MRPL44: variants seen among roughly 807,000 people sequenced by gnomAD.
MRPL44 encodes the protein large ribosomal subunit protein mL44.
A neutral mutation model predicts 25.9 loss-of-function variants in MRPL44; 21 were observed. That is an observed-to-expected ratio of 0.81 (90% confidence interval 0.58 to 1.17). The LOEUF is 1.17. Ranked by LOEUF, MRPL44 falls within the 50% of genes most tolerant of loss-of-function variation. The probability of loss-of-function intolerance (pLI) is 0.00; values close to 1 mark genes in which losing one functional copy is unlikely to be tolerated. For missense variants in MRPL44, 410 were observed against 398.9 expected (o/e 1.03, Z -0.24); for synonymous variants, 169 against 151.0 (o/e 1.12, Z -0.87).
intron 2 of MRPL44, among the ~76,000 whole-genome samples, chr2:223,961,404 T>A (rs1319686885): frequency 1.3e-5 from 2 of 152,242 alleles, no homozygotes; most frequent in Non-Finnish European, 2.9e-5. Context: ...TAAGAGCCAG[T>A]GTACAGAAGA....
chr2:223,959,912 G>C lies in MRPL44; in HGVS notation c.558G>C (p.Val186=), dbSNP rs1429939475. The part of the protein sequence containing the change: ...EQLTLSEEFP[V]PPAVLQQTFF... The stretch of plus-strand genomic sequence containing the variant: ...TAACACTGAGTGAAGAATTCCCAGT[G>C]CCCCCAGCTGTGTTACAGCAGACTT... Residue 186 remains valine (V), a synonymous_variant, in exon 2 of 4, where the codon GTG becomes GTC. Transcript: ENST00000258383. 6.2e-7 allele frequency: 1 copy of C among 1,614,022 alleles called. No homozygotes were observed. Among genetic ancestry groups the C allele is most frequent in the African/African-American group, 1.3e-5 (1 of 74,914 alleles).
intron 2 of MRPL44, among the ~76,000 whole-genome samples, chr2:223,962,499 C>G (rs1689678867): frequency 6.6e-6 from 1 of 152,100 alleles, no homozygotes; most frequent in Non-Finnish European, 1.5e-5. Flanking sequence ...TTTGTTAATA[C>G]AAGTTAATTG....
chr2:223,961,995 C>A (rs1019923509), intron 2 of MRPL44, among the ~76,000 whole-genome samples: 2 of 152,096 alleles, frequency 1.3e-5, no homozygotes, highest in Non-Finnish European at 2.9e-5. Flanking sequence ...GGCATATCTA[C>A]CTCTGTACAT....
Position 223,957,622 on chromosome 2 carries a change from T to G in MRPL44, c.150T>G (p.Leu50=). The change falls in exon 1 of 4, where the codon CTT becomes CTG. Residue 50 remains leucine, a synonymous_variant. Transcript: ENST00000258383. ...RFQKELERQR[L]LRCPPPPVRR... is the part of the protein sequence containing the mutation. ...AGAAGGAGTTAGAGCGGCAGCGCCT[T>G]CTGCGGTGCCCGCCGCCGCCCGTGC... The G allele has an allele frequency of 6.2e-7, 1 of 1,610,712 alleles. No homozygotes were observed. Among genetic ancestry groups the G allele is most frequent in the Non-Finnish European group, 8.5e-7 (1 of 1,179,768 alleles).
Position 223,957,533 on chromosome 2 carries a change from G to GC in MRPL44, c.66dup (p.Lys23GlnfsTer72), listed in dbSNP as rs1324231094. 4 of 1,613,920 alleles carry GC rather than the reference G, an allele frequency of 2.5e-6. No homozygotes were observed. Among genetic ancestry groups the GC allele is most frequent in the South Asian group, 1.1e-5 (1 of 91,090 alleles). On this transcript the variant is annotated frameshift_variant, in exon 1 of 4. Transcript: ENST00000258383. LOFTEE classifies it high-confidence loss of function. ...ACATCGCTGCCTCCTGGCTCCAGTC[G>GC]CCCCCAAGCTGGTCCCTCCGGTTCG...
At chr2:223,961,268 C>G (rs1689656323) in intron 2 of MRPL44, among the ~76,000 whole-genome samples, 1 of 152,202 alleles carries the variant, frequency 6.6e-6, no homozygotes, top group Admixed American at 6.5e-5. Flanking sequence ...GTGATTTGTG[C>G]CCCTTAAAAG....
At chr2:223,961,484 C>G (rs1357135855) in intron 2 of MRPL44, among the ~76,000 whole-genome samples, 5 of 152,188 alleles carry the variant, frequency 3.3e-5, no homozygotes, top group South Asian at 4.1e-4. Context: ...GATAGAAATG[C>G]AAATTCTCAG....
At chr2:223,957,309 C>A, upstream of MRPL44, 1 of 793,592 alleles carries the variant, frequency 1.3e-6, no homozygotes, top group Non-Finnish European at 2.0e-6. Context: ...CACCCCGCCC[C>A]GGGGCTGTCT....
chr2:223,963,150 A>G (rs925563939), intron 2 of MRPL44, among the ~76,000 whole-genome samples: 1 of 152,178 alleles, frequency 6.6e-6, no homozygotes, highest in Non-Finnish European at 1.5e-5. Flanking sequence ...ATAATTCTAA[A>G]TTATAAGATA....
chr2:223,966,894 GA>G lies in MRPL44; in HGVS notation c.862del (p.Thr288GlnfsTer36). 6.2e-7 allele frequency: 1 copy of G among 1,613,714 alleles called. No individual in the cohort carries two copies. The highest frequency in any genetic ancestry group is 8.5e-7 in the Non-Finnish European group (1 of 1,179,886). On this transcript the variant is annotated frameshift_variant, in exon 4 of 4. Transcript: ENST00000258383. LOFTEE classifies it low-confidence loss of function (END_TRUNC). Reference sequence around the variant, plus strand: ...AAAGTTGATTGCAGAAGGACCTGGGGAAACAGTATTGGTTGCAGAAGAAGAG... The same window carrying G: ...AAAGTTGATTGCAGAAGGACCTGGGGAACAGTATTGGTTGCAGAAGAAGAG... ...DKKLIAEGPG[E>X]TVLVAEEEAA...
At chr2:223,954,996 A>G (rs1689544100), upstream of MRPL44, among the ~76,000 whole-genome samples, 1 of 152,202 alleles carries the variant, frequency 6.6e-6, no homozygotes. Flanking sequence ...AACCAATTAA[A>G]TTTCTTGATC....
chr2:223,957,341 C>T (rs1689580742), upstream of MRPL44: 1 of 1,181,416 alleles, frequency 8.5e-7, no homozygotes, highest in South Asian at 1.3e-5. Context: ...CTCTCTCAGT[C>T]GCCCCGCCCC....
rs558980453 is a variant in MRPL44, at chr2:223,957,752, C to T, written c.179+101C>T. On this transcript the variant is annotated intron_variant, in intron 1 of 3. Coordinates refer to ENST00000258383, the MANE Select transcript of MRPL44 (RefSeq NM_022915.5). ...GCGGCTGATGCGCCCCTGGGTTAAG[C>T]CTTAGGAAGTTTGCGATGGAGACAC... 1.3e-5 allele frequency: 18 copies of T among 1,347,134 alleles called. No individual in the cohort carries two copies. The Admixed American group carries it at 4.1e-4, about 30-fold the overall frequency. 83.4% of individuals were successfully genotyped at this position (1,347,134 alleles called of 1,614,324 possible). A position where few individuals can be genotyped will look rare whatever the true frequency, so the allele number is the denominator to read the frequency against.
At chr2:223,952,085 C>T in the MRPL44 span, among the ~76,000 whole-genome samples, 1 of 152,154 alleles carries the variant, frequency 6.6e-6, no homozygotes, top group South Asian at 2.1e-4. Flanking sequence ...CTATCAGATC[C>T]ACTTTATGTG....
chr2:223,967,611 T>G lies in MRPL44; in HGVS notation c.*577T>G, dbSNP rs1689765442. On this transcript the variant is annotated 3_prime_UTR_variant, in exon 4 of 4. Coordinates refer to ENST00000258383, the MANE Select transcript of MRPL44 (RefSeq NM_022915.5). ...TTTAATTGTATAGAATTTGTATAAT[T>G]AGGTGTATTTTATTTGCGTCTAGCT... 6.6e-6 allele frequency: 1 copy of G among 152,226 alleles called. No individual in the cohort carries two copies. The highest frequency in any genetic ancestry group is 1.5e-5 in the Non-Finnish European group (1 of 68,042). The allele number at this position is 152,226 out of a possible 1,614,324, so 9.4% of individuals were successfully genotyped here. A position where few individuals can be genotyped will look rare whatever the true frequency, so the allele number is the denominator to read the frequency against.
At chr2:223,964,060 A>T (rs1035114377) in intron 3 of MRPL44, 126 bp downstream of exon 3, 8 of 684,150 alleles carry the variant, frequency 1.2e-5, no homozygotes, top group African/African-American at 1.9e-5. Flanking sequence ...CAGATTCCTT[A>T]ACGTAACTTC....
Position 223,959,680 on chromosome 2 carries a change from G to A in MRPL44, c.326G>A (p.Gly109Glu), listed in dbSNP as rs1308894861. 3 of 1,614,086 alleles carry A rather than the reference G, an allele frequency of 1.9e-6. No individual in the cohort carries two copies. The highest frequency in any genetic ancestry group is 2.5e-6 in the Non-Finnish European group (3 of 1,180,038). ...KSEEAKRQQL[G>E]IEKEAVLLNL... ...GAGGAGGCCAAACGCCAACAACTTG[G>A]GATAGAGAAAGAAGCTGTTCTTCTG... Residue 109 changes from glycine to glutamate, a missense_variant, in exon 2 of 4, where the codon GGG becomes GAG. Coordinates refer to ENST00000258383, the MANE Select transcript of MRPL44 (RefSeq NM_022915.5).
chr2:223,966,937 T>G lies in MRPL44; in HGVS notation c.902T>G (p.Leu301Arg). ...VAEEEAARVA[L>R]RKLYGFTENR... ...GAAGAAGAGGCTGCTCGAGTGGCCC[T>G]TAGAAAACTTTATGGATTCACAGAA... The change falls in exon 4 of 4, where the codon CTT (leucine) becomes CGT (arginine). Residue 301 changes from leucine to arginine, a missense_variant. Physicochemically the swap from Leu to Arg is moderately radical, Grantham distance 102. Coordinates refer to ENST00000258383, the MANE Select transcript of MRPL44 (RefSeq NM_022915.5). 1 of 1,614,180 alleles carries G rather than the reference T, an allele frequency of 6.2e-7. No individual in the cohort carries two copies. The highest frequency in any genetic ancestry group is 8.5e-7 in the Non-Finnish European group (1 of 1,180,026).
intron 1 of MRPL44, among the ~76,000 whole-genome samples, chr2:223,958,506 ATAAGAT>A (rs1321753411): frequency 1.3e-5 from 2 of 152,234 alleles, no homozygotes; most frequent in African/African-American, 4.8e-5. Context: ...CTTGTTTATT[ATAAGAT>A]TAAGTATTTT....
Sources: allele counts gnomAD v4.1 joint callset (sites outside exome capture counted in the v4.1 genomes callset), GRCh38; gene constraint gnomAD v4.1.1; transcripts MANE v1.5; gene names NCBI Gene and HGNC (gene_info 2026-07-23, HGNC 2026-07-21).